The following TIPRL variants were observed in gnomAD, a reference collection of about 807,000 sequenced individuals.
TIPRL encodes TIP41-like protein.
Under a neutral mutation model 32.3 loss-of-function variants are expected in TIPRL, and 10 were observed. That is an observed-to-expected ratio of 0.31 (90% confidence interval 0.19 to 0.52). TIPRL has a LOEUF of 0.52. Among genes scored for constraint, TIPRL ranks in the 20% least tolerant of loss-of-function variants. The pLI, the probability that TIPRL is intolerant of heterozygous loss-of-function variation, is 0.96. For synonymous variants in TIPRL, 100 were observed against 114.0 expected, an observed-to-expected ratio of 0.88 and a Z score of 0.78; for missense variants, 250 against 328.1, an observed-to-expected ratio of 0.76 and a Z score of 1.84.
At chr1:168,198,006 T>C (rs1169282952) in intron 5 of TIPRL, among the ~76,000 whole-genome samples, 1 of 152,170 alleles carries the variant, frequency 6.6e-6, no homozygotes, top group East Asian at 1.9e-4. Context: ...AGTAGGAACT[T>C]AATGCCCATT....
At chr1:168,199,044 A>G (rs1465516712) in intron 6 of TIPRL, 63 bp downstream of exon 6, 2 of 1,329,590 alleles carry the variant, frequency 1.5e-6, no homozygotes, top group African/African-American at 1.5e-5. Context: ...TTTAAGTAGC[A>G]TATACCCCTG....
intron 3 of TIPRL, among the ~76,000 whole-genome samples, chr1:168,190,437 A>G (rs1302815808): frequency 6.6e-6 from 1 of 152,208 alleles, no homozygotes; most frequent in South Asian, 2.1e-4. Flanking sequence ...TCTTGTAAAC[A>G]ACATCCTTTG....
At chr1:168,183,310 T>C (rs1448033439) in intron 1 of TIPRL, among the ~76,000 whole-genome samples, 2 of 152,000 alleles carry the variant, frequency 1.3e-5, no homozygotes, top group Admixed American at 1.3e-4. Flanking sequence ...GGAATTATTC[T>C]TTAGTACAGG....
At chr1:168,193,752 G>GTAGA (rs1195468728) in intron 4 of TIPRL, among the ~76,000 whole-genome samples, 2 of 152,130 alleles carry the variant, frequency 1.3e-5, no homozygotes, top group Non-Finnish European at 2.9e-5. Context: ...TTAAGCTGAA[G>GTAGA]TATTAGTTCA....
Position 168,179,012 on chromosome 1 carries a change from A to G in TIPRL, c.-66A>G. On this transcript the variant is annotated 5_prime_UTR_variant, in exon 1 of 7. Coordinates refer to ENST00000367833, the MANE Select transcript of TIPRL (RefSeq NM_152902.5). Reference sequence around the variant, plus strand: ...GGCTGGGCCGGAGGGAGGCGGAGGAACCGGTGTTCGCCGCCGCCGCTGCTT... The same window carrying G: ...GGCTGGGCCGGAGGGAGGCGGAGGAGCCGGTGTTCGCCGCCGCCGCTGCTT... The G allele has an allele frequency of 2.1e-6, 3 of 1,409,468 alleles. No individual in the cohort carries two copies. Among genetic ancestry groups the G allele is most frequent in the Non-Finnish European group, 2.0e-6 (2 of 1,017,038 alleles). The allele number at this position is 1,409,468 out of a possible 1,614,324, so 87.3% of individuals were successfully genotyped here. A position where few individuals can be genotyped will look rare whatever the true frequency, so the allele number is the denominator to read the frequency against.
At chr1:168,186,711 T>C (rs1035820235) in intron 3 of TIPRL, among the ~76,000 whole-genome samples, 1 of 151,294 alleles carries the variant, frequency 6.6e-6, no homozygotes, top group Non-Finnish European at 1.5e-5. Flanking sequence ...CACCTGAGGT[T>C]AGGAGCTGGA....
chr1:168,191,543 C>T (rs2023424), intron 4 of TIPRL, 43 bp downstream of exon 4: 107,644 of 1,385,832 alleles, frequency 0.078, 4,598 homozygotes, highest in Middle Eastern at 0.1. Context: ...TTCTTGCATT[C>T]TTAACATCAG....
chr1:168,195,699 C>A (rs913208873), intron 4 of TIPRL, among the ~76,000 whole-genome samples: 1 of 152,054 alleles, frequency 6.6e-6, no homozygotes, highest in Non-Finnish European at 1.5e-5. Context: ...TAGCCTTCCA[C>A]GTAGCTAGGA....
chr1:168,191,858 C>CAA (rs60988834), intron 4 of TIPRL, among the ~76,000 whole-genome samples: 180 of 38,658 alleles, frequency 4.7e-3, no homozygotes, highest in African/African-American at 6.2e-3. Context: ...GGCGACAGAG[C>CAA]AAAAAAAAAA....
chr1:168,181,922 G>A (rs1314735745), intron 1 of TIPRL, among the ~76,000 whole-genome samples: 1 of 151,610 alleles, frequency 6.6e-6, no homozygotes, highest in Non-Finnish European at 1.5e-5. Flanking sequence ...AAATTATCTG[G>A]GGGTGGTGGT....
chr1:168,189,921 G>C (rs185505721), intron 3 of TIPRL, among the ~76,000 whole-genome samples: 8 of 152,320 alleles, frequency 5.3e-5, no homozygotes, highest in African/African-American at 1.7e-4. Flanking sequence ...GAAGGCATAT[G>C]TGAAACATTA....
At chr1:168,183,147 T>C (rs936729865) in intron 1 of TIPRL, among the ~76,000 whole-genome samples, 1 of 152,212 alleles carries the variant, frequency 6.6e-6, no homozygotes, top group Admixed American at 6.5e-5. Context: ...TCTTTAAACA[T>C]TTGTAATGGT....
At chr1:168,186,086 A>C (rs1700024282) in intron 3 of TIPRL, among the ~76,000 whole-genome samples, 1 of 150,396 alleles carries the variant, frequency 6.6e-6, no homozygotes, top group Non-Finnish European at 1.5e-5. Context: ...AAAAAAAAAA[A>C]AAAAAAAAAA....
chr1:168,182,221 G>T lies in TIPRL; in HGVS notation c.105-1681G>T, dbSNP rs555580215. 3.8e-4 allele frequency among the ~76,000 whole-genome samples: 58 copies of T among 152,264 alleles called. No individual in the cohort carries two copies. The Middle Eastern group carries it at 0.01, about 27-fold the overall frequency. ...TTGGGTAAAATATTGGATTAAAGAA[G>T]CTCTTCTAATGAATATTTAAGGCAC... On this transcript the variant is annotated intron_variant, in intron 1 of 6. Coordinates refer to ENST00000367833, the MANE Select transcript of TIPRL (RefSeq NM_152902.5).
intron 3 of TIPRL, among the ~76,000 whole-genome samples, chr1:168,187,967 A>G (rs762416235): frequency 3.3e-5 from 5 of 152,180 alleles, no homozygotes; most frequent in East Asian, 1.9e-4. Context: ...GCGACACCCT[A>G]TCTCAAAACA....
At chr1:168,184,190 G>A in intron 2 of TIPRL, 109 bp downstream of exon 2, 4 of 1,006,664 alleles carry the variant, frequency 4.0e-6, no homozygotes, top group Non-Finnish European at 4.2e-6. Context: ...TTAGAATGAA[G>A]GGCTGGTATT....
chr1:168,182,721 A>G (rs1384078643), intron 1 of TIPRL, among the ~76,000 whole-genome samples: 1 of 152,262 alleles, frequency 6.6e-6, no homozygotes, highest in Non-Finnish European at 1.5e-5. Context: ...TTTTACATAT[A>G]TGAGTGGAAT....
intron 2 of TIPRL, 30 bp from the exon 3 acceptor site, chr1:168,184,749 A>T (rs1390170514): frequency 7.1e-7 from 1 of 1,399,396 alleles, no homozygotes; most frequent in Middle Eastern, 1.8e-4. Flanking sequence ...TGCATCACTG[A>T]ATCTGATCCT....
chr1:168,197,043 G>A (rs1302232242), intron 5 of TIPRL, among the ~76,000 whole-genome samples: 2 of 152,196 alleles, frequency 1.3e-5, no homozygotes, highest in African/African-American at 2.4e-5. Flanking sequence ...GCCGGGCGCC[G>A]TAGCTCACGC....
Sources: allele counts gnomAD v4.1 joint callset (sites outside exome capture counted in the v4.1 genomes callset), GRCh38; gene constraint gnomAD v4.1.1; transcripts MANE v1.5; gene names NCBI Gene and HGNC (gene_info 2026-07-23, HGNC 2026-07-21).